STK3: variants seen among roughly 807,000 people sequenced by gnomAD.
The protein encoded by STK3 is serine/threonine kinase 3, also known as serine/threonine-protein kinase 3.
Under a neutral mutation model 58.0 loss-of-function variants are expected in STK3, and 41 were observed. That is an observed-to-expected ratio of 0.71 (90% CI 0.55 to 0.92). The LOEUF is 0.92. STK3 is among the 40% of genes least tolerant of loss of function. The pLI is 0.00. For missense variants in STK3, 479 were observed against 602.7 expected (o/e 0.79, Z 2.15); for synonymous variants, 170 against 191.0 (o/e 0.89, Z 0.91).
chr8:98,404,586 A>T lies in STK3; in HGVS notation n.484-3073T>A, dbSNP rs1277129730. 2.0e-5 allele frequency among the ~76,000 whole-genome samples: 3 copies of T among 150,392 alleles called. No homozygotes were observed. In the Admixed American group the frequency reaches 2.0e-4, roughly 10 times the overall value. On this transcript the variant is annotated intron_variant and non_coding_transcript_variant, in intron 3 of 3. Coordinates refer to the STK3 transcript ENST00000517832. ...TCCCAGCTACTCGGGAGGCTGAGGCAGGAGAATGGCGTGAACCCGGGAGGC... is the reference window on the plus strand; with the variant it reads ...TCCCAGCTACTCGGGAGGCTGAGGCTGGAGAATGGCGTGAACCCGGGAGGC...
At chr8:98,349,131 T>G in the STK3 span, among the ~76,000 whole-genome samples, 1 of 152,230 alleles carries the variant, frequency 6.6e-6, no homozygotes, top group Non-Finnish European at 1.5e-5. Context: ...AAATGTGTAT[T>G]CCTATAAGAA....
chr8:98,778,232 C>T (rs1443998065), intron 1 of STK3, among the ~76,000 whole-genome samples: 2 of 152,202 alleles, frequency 1.3e-5, no homozygotes, highest in African/African-American at 4.8e-5. Flanking sequence ...TATGAACACA[C>T]ACTTCTCAAA....
intron 7 of STK3, among the ~76,000 whole-genome samples, chr8:98,590,066 G>T (rs187260806): frequency 2.0e-5 from 3 of 152,228 alleles, no homozygotes; most frequent in Non-Finnish European, 2.9e-5. Flanking sequence ...CTTCTGCGGC[G>T]CTCATGCTGG....
downstream of STK3, among the ~76,000 whole-genome samples, chr8:98,399,836 GA>G (rs1017933856): frequency 1.4e-4 from 21 of 152,176 alleles, no homozygotes; most frequent in African/African-American, 4.6e-4. Context: ...TGCCAGCCCT[GA>G]GATCTGGGAG....
intron 6 of STK3, among the ~76,000 whole-genome samples, chr8:98,670,597 C>T (rs1438012731): frequency 6.6e-6 from 1 of 152,128 alleles, no homozygotes; most frequent in African/African-American, 2.4e-5. Context: ...AACCCATGAC[C>T]CAGAGAGAGA....
chr8:98,690,259 T>C (rs1824301722), intron 6 of STK3, among the ~76,000 whole-genome samples: 1 of 152,110 alleles, frequency 6.6e-6, no homozygotes, highest in African/African-American at 2.4e-5. Flanking sequence ...AAATTATCTC[T>C]CTTCACTGAC....
chr8:98,477,432 C>T (rs76143011), intron 10 of STK3, among the ~76,000 whole-genome samples: 9,636 of 151,954 alleles, frequency 0.063, 426 homozygotes, highest in Non-Finnish European at 0.099. Flanking sequence ...CCTTTAAAAA[C>T]ATCTTTCTCA....
downstream of STK3, among the ~76,000 whole-genome samples, chr8:98,370,248 T>C (rs1366195177): frequency 6.6e-6 from 1 of 151,824 alleles, no homozygotes; most frequent in Non-Finnish European, 1.5e-5. Flanking sequence ...ACTTCAGCAT[T>C]CTCAGGCCAG....
intron 4 of STK3, among the ~76,000 whole-genome samples, chr8:98,708,368 G>A (rs1179166057): frequency 1.3e-5 from 2 of 152,098 alleles, no homozygotes; most frequent in Admixed American, 6.6e-5. Flanking sequence ...AGTAAATGAG[G>A]GAGGGAGGCT....
chr8:98,371,669 G>A (rs1269771863), exon 3 of STK3: 1 of 152,256 alleles, frequency 6.6e-6, no homozygotes, highest in African/African-American at 2.4e-5. Flanking sequence ...GCTAGGGATA[G>A]TCCCCACACC....
At chr8:98,485,442 A>G (rs925337383) in intron 10 of STK3, among the ~76,000 whole-genome samples, 42 of 152,220 alleles carry the variant, frequency 2.8e-4, no homozygotes, top group South Asian at 2.1e-4. Context: ...TCAGCAGAAG[A>G]CAGTCCTTCT....
intron 3 of STK3, among the ~76,000 whole-genome samples, chr8:98,841,232 A>ATT (rs1035853760): frequency 6.6e-6 from 1 of 152,204 alleles, no homozygotes; most frequent in African/African-American, 2.4e-5. Flanking sequence ...ACACTCAAAG[A>ATT]GAGAGGATTA....
At chr8:98,569,824 T>G (rs906032053) in intron 8 of STK3, among the ~76,000 whole-genome samples, 1 of 151,458 alleles carries the variant, frequency 6.6e-6, no homozygotes, top group African/African-American at 2.4e-5. Context: ...ATCTGAAATA[T>G]TTCTTATTAA....
intron 6 of STK3, among the ~76,000 whole-genome samples, chr8:98,610,528 C>T (rs942036556): frequency 1.3e-5 from 2 of 152,204 alleles, no homozygotes; most frequent in Admixed American, 6.5e-5. Context: ...AACAGTGCGG[C>T]ACACACGTCT....
At chr8:98,789,931 G>A (rs1054697119) in intron 1 of STK3, among the ~76,000 whole-genome samples, 1 of 151,772 alleles carries the variant, frequency 6.6e-6, no homozygotes, top group African/African-American at 2.4e-5. Flanking sequence ...GGGAGGCTGA[G>A]GCAGGAGAAT....
At chr8:98,871,582 G>A (rs1837382802) in intron 3 of STK3, among the ~76,000 whole-genome samples, 1 of 152,118 alleles carries the variant, frequency 6.6e-6, no homozygotes, top group African/African-American at 2.4e-5. Flanking sequence ...TGGATTCCTA[G>A]GTATTTATTC....
chr8:98,551,831 C>T lies in STK3; in HGVS notation c.949-3670G>A, dbSNP rs144239839. Among the ~76,000 whole-genome samples, 1,404 of 152,180 alleles carry T rather than the reference C, an allele frequency of 9.2e-3. 18 individuals are homozygous for T. The highest frequency in any genetic ancestry group is 0.032 in the African/African-American group (1,326 of 41,520). On this transcript the variant is annotated intron_variant, in intron 8 of 10. Coordinates refer to ENST00000419617, the MANE Select transcript of STK3 (RefSeq NM_006281.4). ...GTTACTTTCTTTTAGAGAGTCTTTG[C>T]TATTTAGGTTGACACGTTCAATACA...
At chr8:98,929,825 T>C (rs1038712718) in intron 1 of STK3, among the ~76,000 whole-genome samples, 6 of 152,176 alleles carry the variant, frequency 3.9e-5, no homozygotes, top group Non-Finnish European at 7.3e-5. Context: ...ATAAACTCAC[T>C]TGAAAAGCAG....
chr8:98,447,093 G>C (rs1476010553), intron 1 of STK3, among the ~76,000 whole-genome samples: 1 of 152,092 alleles, frequency 6.6e-6, no homozygotes, highest in Non-Finnish European at 1.5e-5. Context: ...ACTTCAGGGT[G>C]GAGGGTGGCA....
Sources: allele counts gnomAD v4.1 joint callset (sites outside exome capture counted in the v4.1 genomes callset), GRCh38; gene constraint gnomAD v4.1.1; transcripts MANE v1.5; gene names NCBI Gene and HGNC (gene_info 2026-07-23, HGNC 2026-07-21).